TEX11: variants seen among roughly 807,000 people sequenced by gnomAD.
TEX11 encodes the protein testis-expressed protein 11.
A neutral mutation model predicts 84.4 loss-of-function variants in TEX11; 7 were observed. That is an observed-to-expected ratio of 0.08 (90% confidence interval 0.05 to 0.16). The LOEUF is 0.16. Ranked by LOEUF, TEX11 falls within the 10% of genes least tolerant of loss-of-function variation. TEX11 has a pLI of 1.00. For missense variants in TEX11, 551 were observed against 660.5 expected (o/e 0.83, Z 1.82); for synonymous variants, 264 against 222.8 (o/e 1.18, Z -1.64).
intron 17 of TEX11, among the ~76,000 whole-genome samples, chrX:70,636,244 C>A (rs951382331): frequency 3.6e-5 from 4 of 110,834 alleles, no homozygotes; most frequent in Non-Finnish European, 7.6e-5. Context: ...CAATTTAGTA[C>A]CAACAATCCC....
intron 9 of TEX11, among the ~76,000 whole-genome samples, chrX:70,756,621 C>T (rs1384702116): frequency 8.9e-6 from 1 of 111,942 alleles, no homozygotes; most frequent in Non-Finnish European, 1.9e-5. Context: ...AGGTCACCAA[C>T]ATCAAAGACC....
chrX:70,718,973 C>A (rs181443833), intron 13 of TEX11, among the ~76,000 whole-genome samples: 1 of 111,412 alleles, frequency 9.0e-6, no homozygotes, highest in African/African-American at 3.3e-5. Context: ...CCTGAAAGAA[C>A]CCTTTAATAA....
intron 8 of TEX11, among the ~76,000 whole-genome samples, chrX:70,816,098 G>T (rs1354103511): frequency 2.7e-5 from 3 of 110,189 alleles, no homozygotes; most frequent in Non-Finnish European, 5.7e-5. Context: ...TTCCCCCTGA[G>T]TCCCCAAAGT....
At chrX:70,625,791 A>G (rs1314628661) in intron 18 of TEX11, among the ~76,000 whole-genome samples, 2 of 99,247 alleles carry the variant, frequency 2.0e-5, no homozygotes, top group African/African-American at 7.4e-5. Context: ...TTTTTTTTTT[A>G]AGATGGATTC....
rs778566997 is a variant in TEX11, at chrX:70,676,631, T to G, written c.1242+2173A>C. ...AAGATTTTTCTATCTATCTGTGCAT[T>G]TAGAGTTTTCATTAAGTTTTGAAAG... On this transcript the variant is annotated intron_variant, in intron 15 of 29. Coordinates refer to ENST00000374333, the MANE Select transcript of TEX11 (RefSeq NM_031276.3). Among the ~76,000 whole-genome samples the G allele has an allele frequency of 2.7e-5, 3 of 112,274 alleles. No individual in the cohort carries two copies. The East Asian group carries it at 8.3e-4, about 31-fold the overall frequency.
intron 13 of TEX11, among the ~76,000 whole-genome samples, chrX:70,690,507 A>G (rs779852994): frequency 2.4e-4 from 27 of 111,464 alleles, no homozygotes; most frequent in Non-Finnish European, 4.0e-4. Flanking sequence ...AGCCTGGGCA[A>G]CATAGTAAGA....
intron 25 of TEX11, among the ~76,000 whole-genome samples, chrX:70,560,893 G>GTTTTTTTTTTTTT (rs745618647): frequency 6.0e-5 from 2 of 33,576 alleles, no homozygotes; most frequent in African/African-American, 2.8e-4. Context: ...CACCACACCG[G>GTTTTTTTTTTTTT]TTTTTTTTTT....
At chrX:70,514,066 T>C in the TEX11 span, among the ~76,000 whole-genome samples, 12 of 109,471 alleles carry the variant, frequency 1.1e-4, no homozygotes, top group African/African-American at 3.7e-4. Flanking sequence ...ACTACAAAAA[T>C]GGTGACCTCA....
chrX:70,579,530 A>C (rs5980972), intron 25 of TEX11, among the ~76,000 whole-genome samples: 9,925 of 103,097 alleles, frequency 0.096, 1,005 homozygotes, highest in African/African-American at 0.3. Context: ...AAAAAAAAAA[A>C]AAAACAAAAA....
intron 13 of TEX11, among the ~76,000 whole-genome samples, chrX:70,693,058 T>C (rs2090249855): frequency 9.0e-6 from 1 of 111,103 alleles, no homozygotes; most frequent in South Asian, 3.8e-4. Context: ...CTGAATAACA[T>C]GGTGAAACCC....
chrX:70,730,294 G>A lies in TEX11; in HGVS notation c.844-4951C>T, dbSNP rs182800754. Among the ~76,000 whole-genome samples the A allele has an allele frequency of 2.5e-4, 28 of 111,581 alleles. No individual in the cohort carries two copies. The East Asian group carries it at 4.2e-3, about 17-fold the overall frequency. ...ATCACAATGACAGGATCAAATTCAC[G>A]CATAACAACATTAACCTTACATGTT... is the stretch of plus-strand genomic sequence containing the variant. On this transcript the variant is annotated intron_variant, in intron 11 of 29. Transcript: ENST00000374333.
intron 28 of TEX11, among the ~76,000 whole-genome samples, chrX:70,551,605 A>G (rs932834909): frequency 8.9e-6 from 1 of 111,845 alleles, no homozygotes; most frequent in African/African-American, 3.2e-5. Context: ...ACAACTCTAT[A>G]AATTTACTGA....
intron 9 of TEX11, among the ~76,000 whole-genome samples, chrX:70,773,066 A>C (rs2090981078): frequency 9.0e-6 from 1 of 111,187 alleles, no homozygotes; most frequent in Non-Finnish European, 1.9e-5. Flanking sequence ...GAGGATTCAT[A>C]AAAAGGATAT....
At chrX:70,904,496 T>G (rs764103181) in intron 2 of TEX11, among the ~76,000 whole-genome samples, 1 of 112,555 alleles carries the variant, frequency 8.9e-6, no homozygotes, top group Non-Finnish European at 1.9e-5. Context: ...GACAACAGTC[T>G]TCAAAATTGT....
intron 25 of TEX11, among the ~76,000 whole-genome samples, chrX:70,586,266 A>G (rs1007783411): frequency 8.9e-6 from 1 of 112,447 alleles, no homozygotes; most frequent in Non-Finnish European, 1.9e-5. Context: ...GGATTTGGCA[A>G]TGGATTCTTT....
At chrX:70,696,673 G>A (rs200410678) in intron 13 of TEX11, among the ~76,000 whole-genome samples, 1 of 111,520 alleles carries the variant, frequency 9.0e-6, no homozygotes, top group East Asian at 2.8e-4. Context: ...GAAGGCTGAG[G>A]TGGAAGGGTC....
At chrX:70,611,185 T>C (rs557102467) in intron 20 of TEX11, among the ~76,000 whole-genome samples, 2 of 112,641 alleles carry the variant, frequency 1.8e-5, no homozygotes, top group South Asian at 7.4e-4. Flanking sequence ...TTTCTAGTTA[T>C]GCATGTAAGG....
chrX:70,701,032 G>A lies in TEX11; in HGVS notation c.1005-18207C>T, dbSNP rs763071361. On this transcript the variant is annotated intron_variant, in intron 13 of 29. Transcript: ENST00000374333. ...AAGCTACCAGAGGTTCGTTCTTGTG[G>A]TTTAAGGAAAGAAGCTGTCTCCGTA... Among the ~76,000 whole-genome samples, 4 of 111,794 alleles carry A rather than the reference G, an allele frequency of 3.6e-5. No individual in the cohort carries two copies. The South Asian group carries it at 1.5e-3, about 42-fold the overall frequency.
intron 28 of TEX11, among the ~76,000 whole-genome samples, chrX:70,549,831 T>C (rs73538763): frequency 0.083 from 9,287 of 112,395 alleles, 821 homozygotes; most frequent in African/African-American, 0.26. Context: ...AGGGGGAAGT[T>C]GCTGCCCTGA....
Sources: gnomAD v4.1 joint callset for allele counts (sites outside exome capture counted in the v4.1 genomes callset) on GRCh38, gnomAD v4.1.1 for gene constraint, MANE v1.5 for transcripts, NCBI Gene and HGNC (gene_info 2026-07-23, HGNC 2026-07-21) for gene names.